Variants in DPP6 observed in about 807,000 individuals in gnomAD.
DPP6 encodes the protein dipeptidyl peptidase like 6.
Under a neutral mutation model 122.6 loss-of-function variants are expected in DPP6, and 69 were observed. The ratio of observed to expected loss-of-function variants is 0.56; its 90% confidence interval spans 0.46 to 0.69. The LOEUF (loss-of-function observed/expected upper bound fraction) is 0.69. DPP6 is among the 30% of genes least tolerant of loss of function. The pLI is 0.00. For missense variants in DPP6, 928 were observed against 1,116.9 expected (o/e 0.83, Z 2.41); for synonymous variants, 418 against 433.1 (o/e 0.97, Z 0.43).
At chr7:154,261,570 G>A (rs1330497028) in intron 1 of DPP6, among the ~76,000 whole-genome samples, 1 of 152,094 alleles carries the variant, frequency 6.6e-6, no homozygotes, top group African/African-American at 2.4e-5. Flanking sequence ...GCTTTTGCGG[G>A]GCAAAAGGTA....
chr7:154,573,167 C>T (rs1192563300), intron 5 of DPP6, among the ~76,000 whole-genome samples: 1 of 152,098 alleles, frequency 6.6e-6, no homozygotes, highest in Non-Finnish European at 1.5e-5. Flanking sequence ...TCTACAGAGC[C>T]TTTCCTGGGC....
At chr7:154,640,496 T>C (rs1272449749) in intron 6 of DPP6, among the ~76,000 whole-genome samples, 1 of 152,198 alleles carries the variant, frequency 6.6e-6, no homozygotes, top group Admixed American at 6.5e-5. Flanking sequence ...CTCAACCTGC[T>C]CAATTCTTCC....
At chr7:154,430,945 C>T (rs761850486) in intron 1 of DPP6, among the ~76,000 whole-genome samples, 4 of 152,240 alleles carry the variant, frequency 2.6e-5, no homozygotes, top group East Asian at 1.9e-4. Flanking sequence ...GCAAGTTCAA[C>T]GTGTGAAAAT....
At chr7:154,414,268 A>G (rs944903687) in intron 1 of DPP6, among the ~76,000 whole-genome samples, 1 of 152,242 alleles carries the variant, frequency 6.6e-6, no homozygotes, top group Admixed American at 6.5e-5. Flanking sequence ...CCTGTCTAGC[A>G]CAAAGATCTT....
chr7:154,526,347 G>T (rs1827405423), intron 3 of DPP6, among the ~76,000 whole-genome samples: 1 of 152,124 alleles, frequency 6.6e-6, no homozygotes, highest in African/African-American at 2.4e-5. Flanking sequence ...TTTTCCAGGT[G>T]AAAGATAGGC....
intron 1 of DPP6, among the ~76,000 whole-genome samples, chr7:154,008,653 CTTTTCTTT>C (rs1798016648): frequency 3.6e-5 from 5 of 140,618 alleles, no homozygotes; most frequent in East Asian, 2.1e-4. Context: ...AATATTATTT[CTTTTCTTT>C]TTTTTTTTTT....
intron 1 of DPP6, among the ~76,000 whole-genome samples, chr7:154,171,991 A>C (rs566107130): frequency 4.6e-5 from 7 of 152,300 alleles, no homozygotes; most frequent in African/African-American, 1.7e-4. Context: ...ACAGATGTAC[A>C]CACTGGGATG....
At chr7:154,123,934 C>T (rs946593614) in intron 1 of DPP6, among the ~76,000 whole-genome samples, 1 of 151,902 alleles carries the variant, frequency 6.6e-6, no homozygotes, top group African/African-American at 2.4e-5. Context: ...CTGCCCATGC[C>T]GGGGCTTACC....
chr7:154,843,699 C>T (rs1420064402), intron 16 of DPP6, among the ~76,000 whole-genome samples: 1 of 152,220 alleles, frequency 6.6e-6, no homozygotes, highest in African/African-American at 2.4e-5. Flanking sequence ...TGCTGTTGCT[C>T]TTACTAAAAG....
chr7:154,281,758 A>G (rs1479029454), intron 1 of DPP6, among the ~76,000 whole-genome samples: 1 of 152,172 alleles, frequency 6.6e-6, no homozygotes, highest in African/African-American at 2.4e-5. Context: ...ACGCAGACGG[A>G]TTTCAGCATC....
intron 16 of DPP6, among the ~76,000 whole-genome samples, chr7:154,810,462 G>C (rs1026792416): frequency 2.0e-5 from 3 of 152,156 alleles, no homozygotes; most frequent in Admixed American, 6.5e-5. Context: ...AGCACTATAG[G>C]GTGGCTCCTG....
At chr7:153,854,268 G>C in the DPP6 span, among the ~76,000 whole-genome samples, 1 of 152,062 alleles carries the variant, frequency 6.6e-6, no homozygotes, top group Non-Finnish European at 1.5e-5. Context: ...ATAGTTTGAA[G>C]TCAGGTAGTG....
intron 1 of DPP6, among the ~76,000 whole-genome samples, chr7:154,387,573 T>C (rs10256276): frequency 0.7 from 105,911 of 152,074 alleles, 38,022 homozygotes; most frequent in South Asian, 0.8. Flanking sequence ...ATCTATGTTG[T>C]TTGCTTTTAC....
At chr7:154,400,274 C>G (rs928619240) in intron 1 of DPP6, among the ~76,000 whole-genome samples, 3 of 152,212 alleles carry the variant, frequency 2.0e-5, no homozygotes, top group African/African-American at 4.8e-5. Flanking sequence ...AGCATAAACA[C>G]AGCCCTAAGT....
chr7:154,051,277 G>A (rs956224661), upstream of DPP6, among the ~76,000 whole-genome samples: 12 of 108,714 alleles, frequency 1.1e-4, no homozygotes, highest in South Asian at 3.2e-3. Context: ...TCTGGAGTTG[G>A]GGTTTCCCGG....
intron 1 of DPP6, among the ~76,000 whole-genome samples, chr7:154,274,629 C>T (rs898432805): frequency 1.4e-4 from 21 of 152,062 alleles, no homozygotes; most frequent in African/African-American, 4.6e-4. Context: ...GAAGAATTCT[C>T]CTGTTAAATA....
chr7:154,018,814 C>A (rs1166560603), intron 1 of DPP6, among the ~76,000 whole-genome samples: 5 of 152,112 alleles, frequency 3.3e-5, no homozygotes, highest in Admixed American at 2.0e-4. Flanking sequence ...AGAAGAGACC[C>A]AGGGCCTCCT....
intron 1 of DPP6, among the ~76,000 whole-genome samples, chr7:154,185,018 A>G (rs1018118785): frequency 6.6e-6 from 1 of 152,244 alleles, no homozygotes; most frequent in Non-Finnish European, 1.5e-5. Context: ...GCTAATAGAT[A>G]GAATTCTGAA....
At chr7:153,788,563 T>C in the DPP6 span, among the ~76,000 whole-genome samples, 1 of 152,208 alleles carries the variant, frequency 6.6e-6, no homozygotes, top group Non-Finnish European at 1.5e-5. Context: ...GACACAGTTG[T>C]CATTGACTGT....
Sources: gnomAD v4.1 joint callset for allele counts (sites outside exome capture counted in the v4.1 genomes callset) on GRCh38, gnomAD v4.1.1 for gene constraint, MANE v1.5 for transcripts, NCBI Gene and HGNC (gene_info 2026-07-23, HGNC 2026-07-21) for gene names.